The following GPR39 variants were observed in gnomAD, a reference collection of about 807,000 sequenced individuals.
GPR39 encodes the protein zinc sensing receptor.
GPR39 carries 23 observed loss-of-function variants against 18.4 expected under a neutral mutation model. The observed-to-expected ratio is 1.25, with a 90% CI of 0.90 to 1.77. The LOEUF (loss-of-function observed/expected upper bound fraction) is 1.77. GPR39 is among the 40% of genes most tolerant of loss of function. The pLI is 0.00. For synonymous variants in GPR39, 280 were observed against 257.9 expected, an observed-to-expected ratio of 1.09 and a Z score of -0.82; for missense variants, 647 against 602.4, an observed-to-expected ratio of 1.07 and a Z score of -0.78.
chr2:132,510,415 C>T (rs967126838), intron 1 of GPR39, among the ~76,000 whole-genome samples: 12 of 152,024 alleles, frequency 7.9e-5, no homozygotes, highest in African/African-American at 2.9e-4. Flanking sequence ...CTGAGGGACC[C>T]CAGAAAGCAG....
chr2:132,548,947 A>G (rs1317369590), intron 1 of GPR39, among the ~76,000 whole-genome samples: 4 of 152,334 alleles, frequency 2.6e-5, no homozygotes, highest in South Asian at 4.1e-4. Context: ...GGAATTGGCC[A>G]GGTTCCCCTG....
At chr2:132,587,781 C>A (rs1251897772) in intron 1 of GPR39, among the ~76,000 whole-genome samples, 1 of 152,092 alleles carries the variant, frequency 6.6e-6, no homozygotes, top group Non-Finnish European at 1.5e-5. Flanking sequence ...GTGATCCACC[C>A]GCCTCAGCCT....
chr2:132,620,685 T>A lies in GPR39; in HGVS notation c.857-24416T>A, dbSNP rs189762740. On this transcript the variant is annotated intron_variant, in intron 1 of 1. Coordinates refer to ENST00000329321, the MANE Select transcript of GPR39 (RefSeq NM_001508.3). ...CCAGACACTTCCCCTCGCCTCTCTG[T>A]TTTCCCTTCTCTCTCCTTCACCAGT... 3.3e-5 allele frequency among the ~76,000 whole-genome samples: 5 copies of A among 152,302 alleles called. No individual in the cohort carries two copies. In the East Asian group the frequency reaches 9.7e-4, roughly 29 times the overall value.
chr2:132,578,012 T>C (rs963555285), intron 1 of GPR39, among the ~76,000 whole-genome samples: 2 of 152,070 alleles, frequency 1.3e-5, no homozygotes, highest in African/African-American at 4.8e-5. Context: ...GTAGGGTTTT[T>C]GTAGATTATC....
At chr2:132,634,652 A>G (rs1166212162) in intron 1 of GPR39, among the ~76,000 whole-genome samples, 1 of 152,102 alleles carries the variant, frequency 6.6e-6, no homozygotes, top group Non-Finnish European at 1.5e-5. Flanking sequence ...GTACTTTATT[A>G]TTTGTCTACA....
chr2:132,604,667 A>T (rs902108635), intron 1 of GPR39: 2 of 152,254 alleles, frequency 1.3e-5, no homozygotes, highest in African/African-American at 4.8e-5. Flanking sequence ...AGTCTTATGA[A>T]CATATAAAAA....
At chr2:132,494,216 G>T (rs1226056544) in intron 1 of GPR39, among the ~76,000 whole-genome samples, 1 of 152,064 alleles carries the variant, frequency 6.6e-6, no homozygotes, top group Non-Finnish European at 1.5e-5. Context: ...AAACCAGGGG[G>T]ACCTTATAAA....
At chr2:132,477,393 C>T in intron 1 of GPR39, among the ~76,000 whole-genome samples, 1 of 152,108 alleles carries the variant, frequency 6.6e-6, no homozygotes, top group Middle Eastern at 3.2e-3. Context: ...ATAGTGATAT[C>T]CCATCTCTAC....
chr2:132,556,718 C>T (rs1680158474), intron 1 of GPR39, among the ~76,000 whole-genome samples: 1 of 152,172 alleles, frequency 6.6e-6, no homozygotes, highest in African/African-American at 2.4e-5. Context: ...CCCCTCCACA[C>T]AGTCTCCTTA....
chr2:132,468,395 T>C (rs537622966), intron 1 of GPR39, among the ~76,000 whole-genome samples: 1 of 152,230 alleles, frequency 6.6e-6, no homozygotes, highest in East Asian at 1.9e-4. Flanking sequence ...GGCTAGTCCA[T>C]AATGAGCACC....
intron 1 of GPR39, among the ~76,000 whole-genome samples, chr2:132,607,208 T>C (rs185546649): frequency 6.6e-6 from 1 of 152,332 alleles, no homozygotes; most frequent in South Asian, 2.1e-4. Flanking sequence ...GTGACAGGAA[T>C]TGCAAAATTT....
At chr2:132,457,367 G>C (rs985709921) in intron 1 of GPR39, among the ~76,000 whole-genome samples, 10 of 152,256 alleles carry the variant, frequency 6.6e-5, no homozygotes, top group Admixed American at 6.5e-4. Context: ...GTTTATTCGA[G>C]TTAACCATCG....
intron 1 of GPR39, among the ~76,000 whole-genome samples, chr2:132,564,864 T>G (rs1010907251): frequency 1.4e-5 from 2 of 141,292 alleles, no homozygotes; most frequent in African/African-American, 5.1e-5. Flanking sequence ...TTGCCCAGGC[T>G]GGAGTACAGT....
At position 132,546,839 on chromosome 2, in the gene GPR39, C is replaced by CAAAAAAAAAAAAAAAAAAAAAAA. The variant is rs60267293; in HGVS notation, c.857-98258_857-98236dup. ...TCTCCAGGATGCAGTAGCTCCACAG[C>CAAAAAAAAAAAAAAAAAAAAAAA]AAAAAAAAAAAAAAAAAAAAAAAAA... On this transcript the variant is annotated intron_variant, in intron 1 of 1. Transcript: ENST00000329321. 2.9e-4 allele frequency among the ~76,000 whole-genome samples: 10 copies of CAAAAAAAAAAAAAAAAAAAAAAA among 33,974 alleles called. 1 individual carries two copies. Among genetic ancestry groups the CAAAAAAAAAAAAAAAAAAAAAAA allele is most frequent in the African/African-American group, 5.4e-4 (6 of 11,072 alleles). The allele number at this position is 33,974 out of a possible 152,430, so 22.3% of individuals were successfully genotyped here.
intron 1 of GPR39, among the ~76,000 whole-genome samples, chr2:132,627,214 G>A (rs1681564718): frequency 6.6e-6 from 1 of 152,176 alleles, no homozygotes; most frequent in African/African-American, 2.4e-5. Context: ...ACCCACCTCT[G>A]GGTATAGAGA....
chr2:132,606,663 G>C (rs1291011041), intron 1 of GPR39, among the ~76,000 whole-genome samples: 1 of 152,234 alleles, frequency 6.6e-6, no homozygotes, highest in South Asian at 2.1e-4. Flanking sequence ...TAAGGGCAGA[G>C]GGCTTTCTGT....
chr2:132,617,255 G>T (rs1274802688), intron 1 of GPR39, among the ~76,000 whole-genome samples: 6 of 151,646 alleles, frequency 4.0e-5, no homozygotes, highest in African/African-American at 1.2e-4. Context: ...TATTTTTATG[G>T]CTTGGAGTCC....
At chr2:132,556,347 C>T (rs75074676) in intron 1 of GPR39, among the ~76,000 whole-genome samples, 2 of 152,264 alleles carry the variant, frequency 1.3e-5, no homozygotes, top group East Asian at 3.9e-4. Flanking sequence ...TGCCAGTTTC[C>T]ATAGTGTAAA....
intron 1 of GPR39, among the ~76,000 whole-genome samples, chr2:132,501,054 G>GTTTTTTTTTTTTTTTTTT (rs55720929): frequency 5.5e-5 from 5 of 90,326 alleles, no homozygotes; most frequent in East Asian, 4.2e-4. Context: ...TATCTTTTGT[G>GTTTTTTTTTTTTTTTTTT]TTTTTTTTTT....
Sources: gnomAD v4.1 joint callset for allele counts (sites outside exome capture counted in the v4.1 genomes callset) on GRCh38, gnomAD v4.1.1 for gene constraint, MANE v1.5 for transcripts, NCBI Gene and HGNC (gene_info 2026-07-23, HGNC 2026-07-21) for gene names.